Variants in PTGFR observed in about 807,000 individuals in gnomAD.
The protein encoded by PTGFR is prostaglandin F receptor, also known as prostaglandin F2-alpha receptor.
In PTGFR, 15 loss-of-function variants were observed where a neutral mutation model predicts 26.2. The observed-to-expected ratio is 0.57, with a 90% CI of 0.38 to 0.88. The LOEUF (loss-of-function observed/expected upper bound fraction) is 0.88. PTGFR is among the 40% of genes least tolerant of loss of function. The probability of loss-of-function intolerance (pLI) is 0.00; values close to 1 mark genes in which losing one functional copy is unlikely to be tolerated. For synonymous variants in PTGFR, 165 were observed against 151.1 expected, an observed-to-expected ratio of 1.09 and a Z score of -0.68; for missense variants, 369 against 427.2, an observed-to-expected ratio of 0.86 and a Z score of 1.20.
At chr1:78,522,294 TA>T (rs1191839640) in intron 2 of PTGFR, among the ~76,000 whole-genome samples, 1 of 152,044 alleles carries the variant, frequency 6.6e-6, no homozygotes, top group Non-Finnish European at 1.5e-5. Context: ...TATCTGCCTT[TA>T]AAGGGACTCA....
chr1:78,527,436 G>A (rs1650399289), intron 2 of PTGFR, among the ~76,000 whole-genome samples: 1 of 152,048 alleles, frequency 6.6e-6, no homozygotes, highest in South Asian at 2.1e-4. Context: ...GTAAACGACT[G>A]CTTTCTGAGA....
At chr1:78,491,630 G>A (rs1260493636) in intron 1 of PTGFR, among the ~76,000 whole-genome samples, 1 of 152,232 alleles carries the variant, frequency 6.6e-6, no homozygotes, top group East Asian at 1.9e-4. Flanking sequence ...CAGCGAGTTC[G>A]TTAGTTTGGA....
intron 2 of PTGFR, among the ~76,000 whole-genome samples, chr1:78,530,048 G>T (rs1650467267): frequency 6.6e-6 from 1 of 152,102 alleles, no homozygotes; most frequent in Non-Finnish European, 1.5e-5. Flanking sequence ...GGGACTGCTG[G>T]TCTAAAGAAT....
intron 2 of PTGFR, among the ~76,000 whole-genome samples, chr1:78,495,424 A>G (rs929671097): frequency 2.0e-5 from 3 of 152,240 alleles, no homozygotes; most frequent in Non-Finnish European, 4.4e-5. Flanking sequence ...GTAGCTTTTA[A>G]AACTAAAAAG....
At chr1:78,522,052 T>C (rs1005341577) in intron 2 of PTGFR, among the ~76,000 whole-genome samples, 4 of 150,168 alleles carry the variant, frequency 2.7e-5, no homozygotes, top group Admixed American at 2.0e-4. Context: ...GTTACAGGCT[T>C]GGGGGAAGAA....
chr1:78,506,136 T>A (rs116288411), intron 2 of PTGFR, among the ~76,000 whole-genome samples: 5 of 152,192 alleles, frequency 3.3e-5, no homozygotes, highest in African/African-American at 1.2e-4. Context: ...TGCACCATTT[T>A]CCATTCCTAA....
chr1:78,525,230 C>G (rs1248298695), intron 2 of PTGFR, among the ~76,000 whole-genome samples: 1 of 151,874 alleles, frequency 6.6e-6, no homozygotes, highest in South Asian at 2.1e-4. Context: ...ATAGCAGAGT[C>G]CCCCAGAAGA....
At chr1:78,532,484 G>T (rs1011895814) in intron 2 of PTGFR, 1 of 135,116 alleles carries the variant, frequency 7.4e-6, no homozygotes, top group Non-Finnish European at 1.5e-5. Flanking sequence ...ATATATGTGT[G>T]TATATATGTG....
chr1:78,495,948 C>A (rs1649537586), intron 2 of PTGFR, among the ~76,000 whole-genome samples: 1 of 152,208 alleles, frequency 6.6e-6, no homozygotes, highest in Non-Finnish European at 1.5e-5. Context: ...ATCTGTGTCA[C>A]CAACGTATCA....
At chr1:78,532,472 GTA>G (rs1473595776) in intron 2 of PTGFR, 1 of 87,506 alleles carries the variant, frequency 1.1e-5, no homozygotes, top group Non-Finnish European at 2.2e-5. Flanking sequence ...ATTTGTGTGT[GTA>G]TATATGTGTG....
Position 78,492,848 on chromosome 1 carries a change from C to T in PTGFR, c.105C>T (p.Ile35=). The T allele has an allele frequency of 6.2e-7, 1 of 1,614,238 alleles. No individual in the cohort carries two copies. Among genetic ancestry groups the T allele is most frequent in the Middle Eastern group, 1.6e-4 (1 of 6,062 alleles). Residue 35 remains isoleucine (I), a synonymous_variant, in exon 2 of 3, where the codon ATC becomes ATT. Coordinates refer to ENST00000370757, the MANE Select transcript of PTGFR (RefSeq NM_000959.4). ...GGCTTTCCGTATTTTTTTCAGTAATCTTCATGACAGTGGGAATCTTGTCAA... is the reference window on the plus strand; with the variant it reads ...GGCTTTCCGTATTTTTTTCAGTAATTTTCATGACAGTGGGAATCTTGTCAA... The part of the protein sequence containing the change: ...ENRLSVFFSV[I]FMTVGILSNS...
intron 2 of PTGFR, among the ~76,000 whole-genome samples, chr1:78,506,850 T>A (rs1173997554): frequency 2.6e-5 from 4 of 152,160 alleles, no homozygotes; most frequent in African/African-American, 9.7e-5. Context: ...GTTTCTTTGT[T>A]TATTGAACAT....
chr1:78,516,402 T>C (rs1401974567), intron 2 of PTGFR, among the ~76,000 whole-genome samples: 1 of 152,148 alleles, frequency 6.6e-6, no homozygotes, highest in African/African-American at 2.4e-5. Flanking sequence ...AGCTCTGACA[T>C]GAAGAAAACA....
chr1:78,536,389 G>A lies in PTGFR; in HGVS notation c.799-17G>A, dbSNP rs370293917. On this transcript the variant is annotated splice_polypyrimidine_tract_variant and intron_variant, in intron 2 of 2. Transcript: ENST00000370757. ...AAAGGCTGCATCAACTAATTTCCGT[G>A]TTTTCTTCGTTTCTAGGTTACAATG... 6 of 1,590,286 alleles carry A rather than the reference G, an allele frequency of 3.8e-6. No homozygotes were observed. Among genetic ancestry groups the A allele is most frequent in the Non-Finnish European group, 5.1e-6 (6 of 1,170,790 alleles).
chr1:78,537,623 TA>T lies in PTGFR; in HGVS notation c.*940del, dbSNP rs1270426491. 6.6e-6 allele frequency: 1 copy of T among 152,114 alleles called. No homozygotes were observed. The highest frequency in any genetic ancestry group is 1.5e-5 in the Non-Finnish European group (1 of 67,998). The allele number at this position is 152,114 out of a possible 1,614,324, so 9.4% of individuals were successfully genotyped here. A position where few individuals can be genotyped will look rare whatever the true frequency, so the allele number is the denominator to read the frequency against. On this transcript the variant is annotated 3_prime_UTR_variant, in exon 3 of 3. Coordinates refer to ENST00000370757, the MANE Select transcript of PTGFR (RefSeq NM_000959.4). ...GAACAAAAGAAACAGAATCAATATATAAAATTCAAAGACTATCTGCAGCTAG... is the reference window on the plus strand; with the variant it reads ...GAACAAAAGAAACAGAATCAATATATAAATTCAAAGACTATCTGCAGCTAG...
rs564500652 is a variant in PTGFR, at chr1:78,539,077, T to A, written c.*2390T>A. The A allele has an allele frequency of 6.6e-6, 1 of 152,082 alleles. No individual in the cohort carries two copies. Among genetic ancestry groups the A allele is most frequent in the Non-Finnish European group, 1.5e-5 (1 of 67,948 alleles). The allele number at this position is 152,082 out of a possible 1,614,324, so 9.4% of individuals were successfully genotyped here. ...CTATGAATACAAAGATAATGCTGAT[T>A]CACAATTAGCTATGGGTAAGTCCAA... On this transcript the variant is annotated 3_prime_UTR_variant, in exon 3 of 3. Transcript: ENST00000370757.
chr1:78,531,023 A>C (rs1024372370), intron 2 of PTGFR, among the ~76,000 whole-genome samples: 4 of 152,122 alleles, frequency 2.6e-5, no homozygotes, highest in Non-Finnish European at 5.9e-5. Context: ...CCTTCCTTGA[A>C]GACACATTGG....
Position 78,513,307 on chromosome 1 carries a change from A to C in PTGFR, c.798+19766A>C, listed in dbSNP as rs568899316. 1.1e-3 allele frequency among the ~76,000 whole-genome samples: 173 copies of C among 152,294 alleles called. 3 individuals carry two copies. The highest frequency in any genetic ancestry group is 3.0e-3 in the Admixed American group (46 of 15,302). The stretch of plus-strand genomic sequence containing the variant: ...GATGGAAATACGGACAAAGAAGGAC[A>C]AGCTGATGAGGTTTCAGATGGAAAT... On this transcript the variant is annotated intron_variant, in intron 2 of 2. Transcript: ENST00000370757.
rs746019241 is a variant in PTGFR at position 78,537,035 on chromosome 1, CT to C, written c.*349del. 1.4e-5 allele frequency: 3 copies of C among 211,602 alleles called. No individual in the cohort carries two copies. The highest frequency in any genetic ancestry group is 2.8e-5 in the Non-Finnish European group (3 of 107,132). 13.1% of individuals were successfully genotyped at this position (211,602 alleles called of 1,614,324 possible). ...TTGCCAGAGAACATCTTAATGCAGC[CT>C]GCATAGTGAAATGGTTATTTTGAGA... On this transcript the variant is annotated 3_prime_UTR_variant, in exon 3 of 3. Transcript: ENST00000370757.
Sources: allele counts gnomAD v4.1 joint callset (sites outside exome capture counted in the v4.1 genomes callset), GRCh38; gene constraint gnomAD v4.1.1; transcripts MANE v1.5; gene names NCBI Gene and HGNC (gene_info 2026-07-23, HGNC 2026-07-21).